Variants in IFNAR2 observed in about 807,000 individuals in gnomAD.
IFNAR2 encodes interferon alpha and beta receptor subunit 2.
Under a neutral mutation model 49.4 loss-of-function variants are expected in IFNAR2, and 30 were observed. The observed-to-expected ratio is 0.61, with a 90% CI of 0.45 to 0.82. The LOEUF (loss-of-function observed/expected upper bound fraction) is 0.82. Among genes scored for constraint, IFNAR2 ranks in the 40% least tolerant of loss-of-function variants. The probability of loss-of-function intolerance (pLI) is 0.00; values close to 1 mark genes in which losing one functional copy is unlikely to be tolerated. For synonymous variants in IFNAR2, 224 were observed against 234.5 expected, an observed-to-expected ratio of 0.96 and a Z score of 0.41; for missense variants, 600 against 622.7, an observed-to-expected ratio of 0.96 and a Z score of 0.39.
intron 1 of IFNAR2, among the ~76,000 whole-genome samples, chr21:33,240,801 G>A (rs1986860403): frequency 2.0e-3 from 2 of 1,018 alleles, no homozygotes; most frequent in Admixed American, 9.4e-3. Flanking sequence ...AGGCAACACA[G>A]CAAGACCCGT....
Position 33,230,088 on chromosome 21 carries a change from G to A in IFNAR2, c.-212G>A. The stretch of plus-strand genomic sequence containing the variant: ...GCCGCACGGGCCGCTTTTGTCCCCC[G>A]CCCGCCGCTTCTGTCCGAGAGGCCG... On this transcript the variant is annotated 5_prime_UTR_variant, in exon 1 of 9. Coordinates refer to ENST00000342136, the MANE Select transcript of IFNAR2 (RefSeq NM_001289125.3). This position sits in a 1 kb window ranked among gnomAD's most constrained non-coding sequence, Gnocchi z 5.5. The A allele has an allele frequency of 1.0e-6, 1 of 987,752 alleles. No homozygotes were observed. Among genetic ancestry groups the A allele is most frequent in the Non-Finnish European group, 1.2e-6 (1 of 830,972 alleles). 61.2% of individuals were successfully genotyped at this position (987,752 alleles called of 1,614,324 possible).
chr21:33,245,108 ATAT>A (rs1267428309), intron 4 of IFNAR2, 34 bp downstream of exon 4: 29 of 1,512,762 alleles, frequency 1.9e-5, no homozygotes, highest in Non-Finnish European at 2.7e-5. Context: ...CTTGGTAAAC[ATAT>A]TATTGTTCTG....
At chr21:33,251,719 G>C (rs1987848714) in intron 6 of IFNAR2, 1 of 985,032 alleles carries the variant, frequency 1.0e-6, no homozygotes, top group Non-Finnish European at 1.2e-6. Context: ...TATTATTCAT[G>C]AAAGAGCCTT....
chr21:33,251,717 A>G (rs1351861450), intron 6 of IFNAR2: 1 of 985,142 alleles, frequency 1.0e-6, no homozygotes, highest in African/African-American at 1.7e-5. Flanking sequence ...GTTATTATTC[A>G]TGAAAGAGCC....
chr21:33,260,477 GTT>G lies in IFNAR2; in HGVS notation c.710-115_710-114del, dbSNP rs1988488397. The G allele has an allele frequency of 2.1e-5, 19 of 904,028 alleles. No homozygotes were observed. In the South Asian group the frequency reaches 3.4e-4, roughly 16 times the overall value. The allele number at this position is 904,028 out of a possible 1,614,324, so 56.0% of individuals were successfully genotyped here. The stretch of plus-strand genomic sequence containing the variant: ...CTCTGGTATTTCTCAATATAAAACT[GTT>G]TTTTCAAACCTTTGGTTTCTTGATC... On this transcript the variant is annotated intron_variant, in intron 7 of 8. Coordinates refer to ENST00000342136, the MANE Select transcript of IFNAR2 (RefSeq NM_001289125.3).
rs202164160 is a variant in IFNAR2 at position 33,263,038 on chromosome 21, G to C, written c.1086G>C (p.Pro362=). 1 of 1,614,144 alleles carries C rather than the reference G, an allele frequency of 6.2e-7. No individual in the cohort carries two copies. Among genetic ancestry groups the C allele is most frequent in the African/African-American group, 1.3e-5 (1 of 75,036 alleles). ...ATSTESQLID[P]ESEEEPDLPE... is the part of the protein sequence containing the mutation. Reference sequence around the variant, plus strand: ...CTACAGAATCCCAGTTGATAGACCCGGAGTCCGAGGAGGAGCCTGACCTGC... The same window carrying C: ...CTACAGAATCCCAGTTGATAGACCCCGAGTCCGAGGAGGAGCCTGACCTGC... Residue 362 remains proline (P), a synonymous_variant, in exon 9 of 9, where the codon CCG becomes CCC. Coordinates refer to ENST00000342136, the MANE Select transcript of IFNAR2 (RefSeq NM_001289125.3).
chr21:33,236,749 C>T, intron 1 of IFNAR2: 1 of 985,114 alleles, frequency 1.0e-6, no homozygotes, highest in South Asian at 4.7e-5. Flanking sequence ...GCTCCTAGCA[C>T]AAAACTCACA....
chr21:33,241,745 G>T, intron 1 of IFNAR2, 95 bp from the exon 2 acceptor site: 1 of 836,720 alleles, frequency 1.2e-6, no homozygotes, highest in Non-Finnish European at 1.7e-6. Flanking sequence ...CTGAGACCAG[G>T]CTCACTTGAA....
At chr21:33,236,260 TG>T (rs1986445562) in intron 1 of IFNAR2, among the ~76,000 whole-genome samples, 2 of 152,068 alleles carry the variant, frequency 1.3e-5, no homozygotes, top group Non-Finnish European at 2.9e-5. Context: ...CCCTCTGCCC[TG>T]GTGACTCTAG....
rs1346128894 is a variant in IFNAR2 at position 33,244,885 on chromosome 21, C to CT, written c.98-65dup. The CT allele has an allele frequency of 1.0e-5, 16 of 1,548,490 alleles. No homozygotes were observed. In the African/African-American group the frequency reaches 2.2e-4, roughly 21 times the overall value. Reference sequence around the variant, plus strand: ...GTGGGTTCTAGATCCCAAGAAATGACTGAACAGTGGCCAGAATACAACTGT... The same window carrying CT: ...GTGGGTTCTAGATCCCAAGAAATGACTTGAACAGTGGCCAGAATACAACTGT... On this transcript the variant is annotated intron_variant, in intron 3 of 8. Coordinates refer to ENST00000342136, the MANE Select transcript of IFNAR2 (RefSeq NM_001289125.3).
Position 33,230,331 on chromosome 21 carries a change from C to T in IFNAR2, c.-84+115C>T. 1 of 863,930 alleles carries T rather than the reference C, an allele frequency of 1.2e-6. No homozygotes were observed. The highest frequency in any genetic ancestry group is 1.5e-6 in the Non-Finnish European group (1 of 660,232). 53.5% of individuals were successfully genotyped at this position (863,930 alleles called of 1,614,324 possible). A position where few individuals can be genotyped will look rare whatever the true frequency, so the allele number is the denominator to read the frequency against. ...CCCCTCCGGTTCCCTCTCGCTCTCC[C>T]CGACTCCTCCTCCTCCTCCTGCCCT... On this transcript the variant is annotated intron_variant, in intron 1 of 8. Coordinates refer to ENST00000342136, the MANE Select transcript of IFNAR2 (RefSeq NM_001289125.3). The surrounding 1 kb of genome is among the most constrained non-coding windows in gnomAD (Gnocchi z 5.5).
intron 8 of IFNAR2, among the ~76,000 whole-genome samples, chr21:33,262,287 C>T (rs934875174): frequency 1.3e-5 from 2 of 149,056 alleles, no homozygotes; most frequent in Non-Finnish European, 3.0e-5. Context: ...TTGCTTGAAC[C>T]TGGGAGGTGG....
chr21:33,239,473 A>T (rs1986745747), intron 1 of IFNAR2, among the ~76,000 whole-genome samples: 1 of 151,640 alleles, frequency 6.6e-6, no homozygotes, highest in African/African-American at 2.4e-5. Flanking sequence ...CAGGTTCTAT[A>T]CCCTCCCTTC....
intron 1 of IFNAR2, chr21:33,231,673 C>G (rs1177392041): frequency 1.0e-6 from 1 of 984,354 alleles, no homozygotes; most frequent in African/African-American, 1.7e-5. Context: ...AACCTTCAAA[C>G]TGTTCAAGAG....
chr21:33,230,417 G>A lies in IFNAR2; in HGVS notation c.-84+201G>A. On this transcript the variant is annotated intron_variant, in intron 1 of 8. Transcript: ENST00000342136. This position sits in a 1 kb window ranked among gnomAD's most constrained non-coding sequence, Gnocchi z 5.5. ...TCCTCTCTCCCGGGGCCGCACCTGC[G>A]ACCCCAGGACCCCTCCCGGGCCCTG... 2.2e-6 allele frequency: 1 copy of A among 444,762 alleles called. No individual in the cohort carries two copies. 27.6% of individuals were successfully genotyped at this position (444,762 alleles called of 1,614,324 possible). A position where few individuals can be genotyped will look rare whatever the true frequency, so the allele number is the denominator to read the frequency against.
intron 7 of IFNAR2, among the ~76,000 whole-genome samples, chr21:33,256,427 T>C (rs192797720): frequency 1.3e-5 from 2 of 152,330 alleles, no homozygotes; most frequent in East Asian, 3.9e-4. Flanking sequence ...TGTCACTATC[T>C]GCTTGCCATC....
rs773793948 is a variant in IFNAR2, at chr21:33,246,813, A to T, written c.317A>T (p.Tyr106Phe). ...TDEWRSTHEAYVTVLEGFSGN... is the reference protein window; with the variant it reads ...TDEWRSTHEAFVTVLEGFSGN... ...GAGTGGAGAAGCACACACGAGGCCT[A>T]TGTCACCGTCCTAGAAGGATTCAGC... The change falls in exon 5 of 9, where the codon TAT becomes TTT. Residue 106 changes from tyrosine to phenylalanine, a missense_variant. Coordinates refer to ENST00000342136, the MANE Select transcript of IFNAR2 (RefSeq NM_001289125.3). The T allele has an allele frequency of 8.9e-5, 143 of 1,614,072 alleles. No individual in the cohort carries two copies. Among genetic ancestry groups the T allele is most frequent in the Non-Finnish European group, 1.2e-4 (138 of 1,180,008 alleles).
chr21:33,241,736 T>A (rs984259223), intron 1 of IFNAR2, 104 bp from the exon 2 acceptor site: 3 of 752,754 alleles, frequency 4.0e-6, no homozygotes, highest in Non-Finnish European at 5.8e-6. Flanking sequence ...GCCCAGAAGC[T>A]GAGACCAGGC....
rs1344330507 is a variant in IFNAR2 at position 33,263,928 on chromosome 21, C to T, written c.*428C>T. 7 of 152,374 alleles carry T rather than the reference C, an allele frequency of 4.6e-5. No homozygotes were observed. Among genetic ancestry groups the T allele is most frequent in the Non-Finnish European group, 8.6e-5 (6 of 69,450 alleles). The allele number at this position is 152,374 out of a possible 1,614,324, so 9.4% of individuals were successfully genotyped here. On this transcript the variant is annotated 3_prime_UTR_variant, in exon 9 of 9. Transcript: ENST00000342136. ...GGAGCGCAATGGTGTGATCTTGGCT[C>T]ACTGCAACATCCGCCTCCCAGGTTC...
Sources: gnomAD v4.1 joint callset for allele counts (sites outside exome capture counted in the v4.1 genomes callset) on GRCh38, gnomAD v4.1.1 for gene constraint, Gnocchi (gnomAD v3.1) non-coding constraint, MANE v1.5 for transcripts, NCBI Gene and HGNC (gene_info 2026-07-23, HGNC 2026-07-21) for gene names.